Variants in ATP11C observed in about 807,000 individuals in gnomAD.
The protein encoded by ATP11C is ATPase phospholipid transporting 11C (ATP11C blood group), also known as phospholipid-transporting ATPase IG.
In ATP11C, 36 loss-of-function variants were observed where a neutral mutation model predicts 97.4. That is an observed-to-expected ratio of 0.37 (90% CI 0.28 to 0.49). The LOEUF (loss-of-function observed/expected upper bound fraction) is 0.49. Among genes scored for constraint, ATP11C ranks in the 20% least tolerant of loss-of-function variants. The pLI, the probability that ATP11C is intolerant of heterozygous loss-of-function variation, is 0.98. For synonymous variants in ATP11C, 275 were observed against 290.9 expected, an observed-to-expected ratio of 0.95 and a Z score of 0.56; for missense variants, 730 against 824.6, an observed-to-expected ratio of 0.89 and a Z score of 1.40.
rs184401304 is a variant in ATP11C, at chrX:139,842,212, T to G, written c.28-15389A>C. On this transcript the variant is annotated intron_variant, in intron 1 of 29. Transcript: ENST00000682941. ...ACACGCACCTAATTTGTTTGTATTT[T>G]TAGTAGAGGCAGGGTTTCACCGTGT... 5.3e-4 allele frequency among the ~76,000 whole-genome samples: 59 copies of G among 112,163 alleles called. No homozygotes were observed. In the East Asian group the frequency reaches 0.015, roughly 29 times the overall value.
chrX:139,860,300 G>T (rs1329670677), intron 1 of ATP11C, among the ~76,000 whole-genome samples: 1 of 110,961 alleles, frequency 9.0e-6, no homozygotes, highest in Non-Finnish European at 1.9e-5. Context: ...CATAGTGACT[G>T]CAACTTACCA....
chrX:139,809,337 A>G (rs1044077168), intron 5 of ATP11C, among the ~76,000 whole-genome samples: 4 of 112,217 alleles, frequency 3.6e-5, no homozygotes, highest in Middle Eastern at 4.6e-3. Context: ...ATTCACCTTT[A>G]AAAAGGAAGG....
chrX:139,850,486 C>T (rs1277821897), intron 1 of ATP11C, among the ~76,000 whole-genome samples: 1 of 111,669 alleles, frequency 9.0e-6, no homozygotes, highest in African/African-American at 3.3e-5. Flanking sequence ...GAGCAATGAA[C>T]TAATGAACTA....
At chrX:139,806,539 G>A (rs1307642602) in intron 5 of ATP11C, among the ~76,000 whole-genome samples, 5 of 111,454 alleles carry the variant, frequency 4.5e-5, no homozygotes, top group African/African-American at 1.6e-4. Flanking sequence ...GGAAGAGATG[G>A]CTACCATGAA....
rs186751956 is a variant in ATP11C at position 139,801,219 on chromosome X, C to T, written c.659+1017G>A. 5.9e-3 allele frequency among the ~76,000 whole-genome samples: 658 copies of T among 112,249 alleles called. 2 individuals are homozygous for T. The highest frequency in any genetic ancestry group is 0.02 in the African/African-American group (603 of 30,894). On this transcript the variant is annotated intron_variant, in intron 7 of 29. Transcript: ENST00000682941. ...TAGCTCAGGCAGAATAAGTTACTCCCTTTTCTGTGATTCCATAGACCTTAC... is the reference window on the plus strand; with the variant it reads ...TAGCTCAGGCAGAATAAGTTACTCCTTTTTCTGTGATTCCATAGACCTTAC...
chrX:139,767,096 G>A (rs1313764821), intron 20 of ATP11C, among the ~76,000 whole-genome samples: 1 of 111,685 alleles, frequency 9.0e-6, no homozygotes, highest in East Asian at 2.8e-4. Flanking sequence ...ACAGTGGGGA[G>A]CCCCAGGCGC....
intron 2 of ATP11C, among the ~76,000 whole-genome samples, chrX:139,821,115 G>C (rs926699755): frequency 1.8e-5 from 2 of 111,767 alleles, no homozygotes; most frequent in Non-Finnish European, 3.8e-5. Context: ...TCAAAATTTA[G>C]GGAATCCTCA....
At chrX:139,911,334 GGAGA>G (rs1490696983) in intron 1 of ATP11C, among the ~76,000 whole-genome samples, 4 of 111,526 alleles carry the variant, frequency 3.6e-5, no homozygotes, top group African/African-American at 9.8e-5. Context: ...AAGTAGATAA[GGAGA>G]GAAACATAAA....
intron 28 of ATP11C, among the ~76,000 whole-genome samples, chrX:139,736,014 C>T (rs775789959): frequency 8.9e-6 from 1 of 111,833 alleles, no homozygotes; most frequent in Admixed American, 9.5e-5. Flanking sequence ...AGCATATCAG[C>T]ATGCCAAGCC....
At chrX:139,924,021 G>A (rs2085308399) in intron 1 of ATP11C, 1 of 271,872 alleles carries the variant, frequency 3.7e-6, no homozygotes, top group Admixed American at 3.1e-5. Flanking sequence ...TTTGGAAATT[G>A]TGTTACCCAA....
intron 13 of ATP11C, 35 bp downstream of exon 13, chrX:139,789,292 T>C (rs1244722820): frequency 9.0e-7 from 1 of 1,113,654 alleles, no homozygotes; most frequent in Non-Finnish European, 1.2e-6. Context: ...CATACACAGA[T>C]TGGTTTCTTA....
chrX:139,830,565 T>C (rs746903174), intron 1 of ATP11C, among the ~76,000 whole-genome samples: 2 of 111,835 alleles, frequency 1.8e-5, no homozygotes, highest in East Asian at 2.8e-4. Flanking sequence ...AATGCAAAGC[T>C]ACTTGGATTA....
chrX:139,769,361 T>C (rs1416945008), intron 19 of ATP11C, among the ~76,000 whole-genome samples: 2 of 92,011 alleles, frequency 2.2e-5, no homozygotes, highest in Non-Finnish European at 4.3e-5. Flanking sequence ...ACTAGCTTAG[T>C]GGTTCTCTAG....
In ATP11C at chrX:139,823,429, T is replaced by C. The variant is rs1475609982; in HGVS notation, c.147+3275A>G. On this transcript the variant is annotated intron_variant, in intron 2 of 29. Transcript: ENST00000682941. ...AAGCAAATTTCCCAAAGGAGGAAAG[T>C]TGAAGAGAATCTCAGCTTTGAGAGT... Among the ~76,000 whole-genome samples, 4 of 112,151 alleles carry C rather than the reference T, an allele frequency of 3.6e-5. 1 individual carries two copies. Among genetic ancestry groups the C allele is most frequent in the Non-Finnish European group, 1.9e-5 (1 of 53,317 alleles).
chrX:139,783,953 A>G (rs1366250288), intron 16 of ATP11C, among the ~76,000 whole-genome samples: 1 of 112,096 alleles, frequency 8.9e-6, no homozygotes, highest in African/African-American at 3.2e-5. Context: ...AGCTCAAACA[A>G]GCTGAAATAA....
chrX:139,930,283 G>A (rs1158575387), intron 1 of ATP11C, among the ~76,000 whole-genome samples: 1 of 109,280 alleles, frequency 9.2e-6, no homozygotes, highest in Non-Finnish European at 1.9e-5. Flanking sequence ...CTGATACGAT[G>A]CAGATCACTT....
At chrX:139,767,458 C>CTGG (rs1373822018) in intron 20 of ATP11C, among the ~76,000 whole-genome samples, 4 of 111,494 alleles carry the variant, frequency 3.6e-5, no homozygotes, top group Non-Finnish European at 7.5e-5. Context: ...AAAAGTGGCA[C>CTGG]TGGTAACAAG....
intron 1 of ATP11C, among the ~76,000 whole-genome samples, chrX:139,917,104 A>T (rs903393741): frequency 2.7e-5 from 3 of 111,752 alleles, no homozygotes; most frequent in Non-Finnish European, 5.6e-5. Flanking sequence ...ACTGGACATC[A>T]ACATGCAAAA....
intron 1 of ATP11C, among the ~76,000 whole-genome samples, chrX:139,926,813 G>T (rs2085358176): frequency 8.9e-6 from 1 of 112,420 alleles, no homozygotes; most frequent in African/African-American, 3.2e-5. Flanking sequence ...CAGGAAAAAA[G>T]AAGACAAAAC....
Sources: allele counts gnomAD v4.1 joint callset (sites outside exome capture counted in the v4.1 genomes callset), GRCh38; gene constraint gnomAD v4.1.1; transcripts MANE v1.5; gene names NCBI Gene and HGNC (gene_info 2026-07-23, HGNC 2026-07-21).